Variants in PCDHA4 observed in about 807,000 individuals in gnomAD.
PCDHA4 encodes the protein protocadherin alpha 4, also known as protocadherin alpha-4.
PCDHA4 carries 49 observed loss-of-function variants against 61.4 expected under a neutral mutation model. The ratio of observed to expected loss-of-function variants is 0.80; its 90% confidence interval spans 0.63 to 1.01. The LOEUF is 1.01. PCDHA4 is among the 50% of genes least tolerant of loss of function. The probability of loss-of-function intolerance (pLI) is 0.00; values close to 1 mark genes in which losing one functional copy is unlikely to be tolerated. For synonymous variants in PCDHA4, 590 were observed against 550.3 expected (o/e 1.07, Z -1.01); for missense variants, 1,254 against 1,235.8 (o/e 1.01, Z -0.22).
rs782619715 is a variant in PCDHA4, at chr5:140,883,236, T to C, written c.2385+73664T>C. 1.2e-5 allele frequency: 20 copies of C among 1,613,888 alleles called. No individual in the cohort carries two copies. Among genetic ancestry groups the C allele is most frequent in the Non-Finnish European group, 1.7e-5 (20 of 1,180,006 alleles). On this transcript the variant is annotated intron_variant, in intron 1 of 3. Coordinates refer to ENST00000530339, the MANE Select transcript of PCDHA4 (RefSeq NM_018907.4). ...TTATATGAAATATCCGTGGAGGCAGTTGACAAAGGAAATATTCCAATGGCG... is the reference window on the plus strand; with the variant it reads ...TTATATGAAATATCCGTGGAGGCAGCTGACAAAGGAAATATTCCAATGGCG...
At chr5:140,903,429 G>T (rs782504374) in intron 1 of PCDHA4, among the ~76,000 whole-genome samples, 2 of 152,180 alleles carry the variant, frequency 1.3e-5, no homozygotes, top group South Asian at 4.1e-4. Context: ...AGCACAATAT[G>T]TATCAGTGGA....
intron 1 of PCDHA4, among the ~76,000 whole-genome samples, chr5:140,923,066 C>G (rs1050883797): frequency 6.6e-6 from 1 of 152,198 alleles, no homozygotes; most frequent in African/African-American, 2.4e-5. Flanking sequence ...AGAGCTAGGT[C>G]TCCTCATGTC....
chr5:140,861,426 T>G (rs1451953787), intron 1 of PCDHA4: 8 of 485,290 alleles, frequency 1.6e-5, no homozygotes, highest in South Asian at 1.1e-4. Flanking sequence ...CCTGTTTCAG[T>G]TGGATTCCAA....
chr5:140,882,698 G>A (rs562320262), intron 1 of PCDHA4: 18 of 1,614,200 alleles, frequency 1.1e-5, no homozygotes, highest in Middle Eastern at 1.6e-4. Context: ...AATCATTGCA[G>A]AATCTAGACC....
chr5:140,853,365 G>C (rs2150531166), intron 1 of PCDHA4: 504,759 of 981,110 alleles, frequency 0.51, 151,971 homozygotes, highest in South Asian at 0.62. Flanking sequence ...CAGGGATCCA[G>C]AGATGGTAAA....
At chr5:141,005,500 G>A (rs954556024) in intron 3 of PCDHA4, among the ~76,000 whole-genome samples, 2 of 151,574 alleles carry the variant, frequency 1.3e-5, no homozygotes, top group East Asian at 1.9e-4. Flanking sequence ...TCAGGAGATC[G>A]AGACCATCCT....
rs2150238489 is a variant in PCDHA4 at position 140,835,571 on chromosome 5, G to C, written c.2385+25999G>C. 6 of 1,613,800 alleles carry C rather than the reference G, an allele frequency of 3.7e-6. 1 individual carries two copies. The highest frequency in any genetic ancestry group is 5.1e-6 in the Non-Finnish European group (6 of 1,179,886). On this transcript the variant is annotated intron_variant, in intron 1 of 3. Coordinates refer to ENST00000530339, the MANE Select transcript of PCDHA4 (RefSeq NM_018907.4). ...CCCTGACGCCCCGCGTTCCCTTCAAGTTGGTGTCCACCTTCAAGAATTACT... is the reference window on the plus strand; with the variant it reads ...CCCTGACGCCCCGCGTTCCCTTCAACTTGGTGTCCACCTTCAAGAATTACT...
At position 140,869,042 on chromosome 5, in the gene PCDHA4, A is replaced by G. The variant is rs74567119; in HGVS notation, c.2385+59470A>G. On this transcript the variant is annotated intron_variant, in intron 1 of 3. Transcript: ENST00000530339. The stretch of plus-strand genomic sequence containing the variant: ...GAATTCAACGAGATTTTTAACCTGA[A>G]ACTGAAGAATCTGGTACTGTAAGTG... The G allele has an allele frequency of 9.2e-4, 1,413 of 1,529,994 alleles. 13 individuals are homozygous for G. The African/African-American group carries it at 0.016, about 18-fold the overall frequency. The allele number at this position is 1,529,994 out of a possible 1,614,324, so 94.8% of individuals were successfully genotyped here.
intron 1 of PCDHA4, among the ~76,000 whole-genome samples, chr5:140,878,501 C>T (rs186968165): frequency 5.9e-5 from 9 of 152,226 alleles, no homozygotes; most frequent in Admixed American, 2.0e-4. Flanking sequence ...ACCATCTGTA[C>T]GATACAGTAC....
intron 1 of PCDHA4, among the ~76,000 whole-genome samples, chr5:140,944,008 C>T (rs1253527034): frequency 1.3e-5 from 2 of 152,054 alleles, no homozygotes; most frequent in Non-Finnish European, 2.9e-5. Context: ...GAGTACCCCC[C>T]AAAAGCAATT....
intron 3 of PCDHA4, among the ~76,000 whole-genome samples, chr5:140,991,067 A>C (rs2097429962): frequency 6.6e-6 from 1 of 152,184 alleles, no homozygotes; most frequent in Admixed American, 6.5e-5. Flanking sequence ...TATTATTCCC[A>C]TGTTTCAGAT....
At chr5:140,904,064 G>C (rs1238949756) in intron 1 of PCDHA4, among the ~76,000 whole-genome samples, 2 of 151,906 alleles carry the variant, frequency 1.3e-5, no homozygotes, top group Non-Finnish European at 2.9e-5. Context: ...TGGGTTTTTG[G>C]GGAACAGTAT....
At chr5:140,866,470 A>T (rs955596608) in intron 1 of PCDHA4, 1 of 152,128 alleles carries the variant, frequency 6.6e-6, no homozygotes, top group Non-Finnish European at 1.5e-5. Flanking sequence ...AGCTCATAAC[A>T]ACTGACAAAT....
Position 140,918,963 on chromosome 5 carries a change from A to C in PCDHA4, c.2386-59986A>C, listed in dbSNP as rs74470631. ...TAATATCCTGAACAGACTAAGACAGATATCGTTTAGGTTAGTTGGTTTTTA... is the reference window on the plus strand; with the variant it reads ...TAATATCCTGAACAGACTAAGACAGCTATCGTTTAGGTTAGTTGGTTTTTA... On this transcript the variant is annotated intron_variant, in intron 1 of 3. Transcript: ENST00000530339. Among the ~76,000 whole-genome samples the C allele has an allele frequency of 4.6e-3, 702 of 152,330 alleles. 2 individuals are homozygous for C. Among genetic ancestry groups the C allele is most frequent in the African/African-American group, 0.016 (679 of 41,576 alleles).
chr5:140,880,889 G>T (rs1554171573), intron 1 of PCDHA4, among the ~76,000 whole-genome samples: 1 of 152,130 alleles, frequency 6.6e-6, no homozygotes, highest in Admixed American at 6.6e-5. Context: ...GAAATGTAGG[G>T]CCAGATAGAA....
At chr5:140,941,214 C>CTTCCTTTCTTTCTTTCTTTCTTT (rs1554214039) in intron 1 of PCDHA4, among the ~76,000 whole-genome samples, 1 of 122,414 alleles carries the variant, frequency 8.2e-6, no homozygotes. Flanking sequence ...TTTCTTTCTT[C>CTTCCTTTCTTTCTTTCTTTCTTT]CTTTCTTTCT....
intron 3 of PCDHA4, among the ~76,000 whole-genome samples, chr5:141,000,419 ATATTTTT>A (rs1397100244): frequency 3.9e-4 from 24 of 60,984 alleles, no homozygotes; most frequent in African/African-American, 1.8e-3. Flanking sequence ...ATATATATAT[ATATTTTT>A]TTTTTTTTTT....
chr5:140,966,818 C>G (rs1376177382), intron 1 of PCDHA4: 1 of 1,554,298 alleles, frequency 6.4e-7, no homozygotes, highest in Admixed American at 1.9e-5. Context: ...ACGGCTCCGG[C>G]GGCCCATGCC....
At position 140,857,621 on chromosome 5, in the gene PCDHA4, G is replaced by A. The variant is rs962164938; in HGVS notation, c.2385+48049G>A. ...GTACGCGCTGCAGCCGCTGGACCAC[G>A]AGGAGCTGGAGCTGCTACAGTTCCA... On this transcript the variant is annotated intron_variant, in intron 1 of 3. Transcript: ENST00000530339. The A allele has an allele frequency of 4.4e-6, 7 of 1,596,528 alleles. 1 individual carries two copies. In the African/African-American group the frequency reaches 8.1e-5, roughly 18 times the overall value.
Sources: gnomAD v4.1 joint callset for allele counts (sites outside exome capture counted in the v4.1 genomes callset) on GRCh38, gnomAD v4.1.1 for gene constraint, MANE v1.5 for transcripts, NCBI Gene and HGNC (gene_info 2026-07-23, HGNC 2026-07-21) for gene names.